The following CXCL11 variants were observed in gnomAD, a reference collection of about 807,000 sequenced individuals.
CXCL11 encodes C-X-C motif chemokine 11.
Under a neutral mutation model 9.7 loss-of-function variants are expected in CXCL11, and 7 were observed. That is an observed-to-expected ratio of 0.72 (90% CI 0.41 to 1.36). The LOEUF (loss-of-function observed/expected upper bound fraction) is 1.36. Among genes scored for constraint, CXCL11 ranks in the 40% most tolerant of loss-of-function variants. The probability of loss-of-function intolerance (pLI) is 0.01; values close to 1 mark genes in which losing one functional copy is unlikely to be tolerated. For synonymous variants in CXCL11, 35 were observed against 34.4 expected, an observed-to-expected ratio of 1.02 and a Z score of -0.06; for missense variants, 107 against 113.4, an observed-to-expected ratio of 0.94 and a Z score of 0.26.
In CXCL11 at chr4:76,034,183, A is replaced by G. The variant is rs373367097; in HGVS notation, c.*610T>C. 120 of 351,640 alleles carry G rather than the reference A, an allele frequency of 3.4e-4. No homozygotes were observed. The highest frequency in any genetic ancestry group is 2.1e-3 in the African/African-American group (100 of 47,866). The allele number at this position is 351,640 out of a possible 1,614,324, so 21.8% of individuals were successfully genotyped here. A position where few individuals can be genotyped will look rare whatever the true frequency, so the allele number is the denominator to read the frequency against. Reference sequence around the variant, plus strand: ...AAATGATGCATAAGAATGTCTCCCTACATATTGATGTGCTACATGATGTTT... The same window carrying G: ...AAATGATGCATAAGAATGTCTCCCTGCATATTGATGTGCTACATGATGTTT... On this transcript the variant is annotated 3_prime_UTR_variant, in exon 4 of 4. Transcript: ENST00000306621.
chr4:76,035,251 C>T lies in CXCL11; in HGVS notation c.153G>A (p.Met51Ile), dbSNP rs774584794. 12 of 1,613,946 alleles carry T rather than the reference C, an allele frequency of 7.4e-6. No homozygotes were observed. The East Asian group carries it at 1.1e-4, about 15-fold the overall frequency. The change falls in exon 2 of 4, where the codon ATG (methionine) becomes ATA (isoleucine). Residue 51 changes from methionine to isoleucine, a missense_variant. Coordinates refer to ENST00000306621, the MANE Select transcript of CXCL11 (RefSeq NM_005409.5). Reference protein sequence around the residue: ...KVADIEKASIMYPSNNCDKIE... With the variant: ...KVADIEKASIIYPSNNCDKIE... The stretch of plus-strand genomic sequence containing the variant: ...TTTTGTCACAGTTGTTACTTGGGTA[C>T]ATTATGGAGGCTTTCTCAATATCTG...
chr4:76,034,218 A>G lies in CXCL11; in HGVS notation c.*575T>C, dbSNP rs1734130283. 1 of 383,986 alleles carries G rather than the reference A, an allele frequency of 2.6e-6. No homozygotes were observed. Among genetic ancestry groups the G allele is most frequent in the Non-Finnish European group, 4.6e-6 (1 of 217,320 alleles). The allele number at this position is 383,986 out of a possible 1,614,324, so 23.8% of individuals were successfully genotyped here. A position where few individuals can be genotyped will look rare whatever the true frequency, so the allele number is the denominator to read the frequency against. On this transcript the variant is annotated 3_prime_UTR_variant, in exon 4 of 4. Coordinates refer to ENST00000306621, the MANE Select transcript of CXCL11 (RefSeq NM_005409.5). ...GTGCTACATGATGTTTGGGGAAAGA[A>G]GTGTGTATTTGCATGAAAAAATGTT...
chr4:76,035,485 T>G, intron 1 of CXCL11, 143 bp from the exon 2 acceptor site: 1 of 727,556 alleles, frequency 1.4e-6, no homozygotes, highest in Non-Finnish European at 2.2e-6. Flanking sequence ...CAACTGTTAC[T>G]GGGAAAAGTT....
In CXCL11 at chr4:76,034,300, A is replaced by G; in HGVS notation, c.*493T>C. On this transcript the variant is annotated 3_prime_UTR_variant, in exon 4 of 4. Transcript: ENST00000306621. ...TGACTTATAAGGGCTTGACTCCAGT[A>G]ATAATGTCAATGTCTCCACCGTAAC... The G allele has an allele frequency of 5.0e-6, 2 of 397,866 alleles. No individual in the cohort carries two copies. The highest frequency in any genetic ancestry group is 6.3e-4 in the Middle Eastern group (1 of 1,584). The allele number at this position is 397,866 out of a possible 1,614,324, so 24.6% of individuals were successfully genotyped here. A position where few individuals can be genotyped will look rare whatever the true frequency, so the allele number is the denominator to read the frequency against.
Position 76,035,907 on chromosome 4 carries a change from A to G in CXCL11, c.61+20T>C. On this transcript the variant is annotated intron_variant, in intron 1 of 3. Transcript: ENST00000306621. ...TTAGAAAAGGAACTTATAGGTTGAG[A>G]AATAAAAATTACTGCATACCTTGAA... is the stretch of plus-strand genomic sequence containing the variant. The G allele has an allele frequency of 6.2e-7, 1 of 1,607,752 alleles. No homozygotes were observed. Among genetic ancestry groups the G allele is most frequent in the East Asian group, 2.2e-5 (1 of 44,816 alleles).
In CXCL11 at chr4:76,034,732, G is replaced by T; in HGVS notation, c.*61C>A. 8.0e-7 allele frequency: 1 copy of T among 1,252,264 alleles called. No individual in the cohort carries two copies. The highest frequency in any genetic ancestry group is 1.1e-6 in the Non-Finnish European group (1 of 870,888). The allele number at this position is 1,252,264 out of a possible 1,614,324, so 77.6% of individuals were successfully genotyped here. A position where few individuals can be genotyped will look rare whatever the true frequency, so the allele number is the denominator to read the frequency against. On this transcript the variant is annotated 3_prime_UTR_variant, in exon 4 of 4. Transcript: ENST00000306621. ...AATTCTTGTCATTTCAGTAGTCACA[G>T]TTAAACTTGTTCTAGGTTTTTCAGA...
At chr4:76,035,026 G>A (rs12649185) in intron 3 of CXCL11, 21 bp downstream of exon 3, 375,332 of 1,576,278 alleles carry the variant, frequency 0.24, 47,239 homozygotes, top group East Asian at 0.39. Context: ...ATTATAACAT[G>A]GGAGTAATTT....
At position 76,036,054 on chromosome 4, in the gene CXCL11, G is replaced by C; in HGVS notation, c.-67C>G. The stretch of plus-strand genomic sequence containing the variant: ...TCAGCTTTGCTGCTCTTCTTGGAAG[G>C]AGTAGAAATGCTGAACATGAAAGGA... On this transcript the variant is annotated 5_prime_UTR_variant, in exon 1 of 4. Transcript: ENST00000306621. 4.9e-6 allele frequency: 7 copies of C among 1,437,992 alleles called. No homozygotes were observed. Among genetic ancestry groups the C allele is most frequent in the Non-Finnish European group, 6.8e-6 (7 of 1,024,588 alleles). 89.1% of individuals were successfully genotyped at this position (1,437,992 alleles called of 1,614,324 possible). A position where few individuals can be genotyped will look rare whatever the true frequency, so the allele number is the denominator to read the frequency against.
rs768099347 is a variant in CXCL11 at position 76,034,815 on chromosome 4, T to G, written c.263A>C (p.Lys88Thr). The change falls in exon 4 of 4, where the codon AAA becomes ACA. Residue 88 changes from lysine to threonine, a missense_variant and splice_region_variant. Coordinates refer to ENST00000306621, the MANE Select transcript of CXCL11 (RefSeq NM_005409.5). ...TTTTTAAAAATTCTTTCTTTCAACT[T>G]TCTGGAATAAGAAAACAAGAGTTTT... ...KSKQARLIIK[K>T]VERKNF is the part of the protein sequence containing the mutation. 1 of 1,555,242 alleles carries G rather than the reference T, an allele frequency of 6.4e-7. No individual in the cohort carries two copies. Among genetic ancestry groups the G allele is most frequent in the African/African-American group, 1.4e-5 (1 of 73,466 alleles).
rs1322073769 is a variant in CXCL11, at chr4:76,035,317, G to C, written c.87C>G (p.Arg29=). ...VQGFPMFKRG[R]CLCIGPGVKA... ...TTACCCCAGGGCCTATGCAAAGACA[G>C]CGTCCTCTTTTGAACATGGGGAAGC... Residue 29 remains arginine (R), a synonymous_variant, in exon 2 of 4, where the codon CGC becomes CGG. Coordinates refer to ENST00000306621, the MANE Select transcript of CXCL11 (RefSeq NM_005409.5). The C allele has an allele frequency of 6.2e-7, 1 of 1,614,024 alleles. No individual in the cohort carries two copies. The highest frequency in any genetic ancestry group is 8.5e-7 in the Non-Finnish European group (1 of 1,179,908).
Position 76,034,344 on chromosome 4 carries a change from A to G in CXCL11, c.*449T>C, listed in dbSNP as rs919855600. The G allele has an allele frequency of 1.5e-5, 6 of 406,254 alleles. No individual in the cohort carries two copies. Among genetic ancestry groups the G allele is most frequent in the African/African-American group, 8.2e-5 (4 of 48,654 alleles). The allele number at this position is 406,254 out of a possible 1,614,324, so 25.2% of individuals were successfully genotyped here. A position where few individuals can be genotyped will look rare whatever the true frequency, so the allele number is the denominator to read the frequency against. On this transcript the variant is annotated 3_prime_UTR_variant, in exon 4 of 4. Transcript: ENST00000306621. Reference sequence around the variant, plus strand: ...CCGTAACCACAGATAGTAATATAGCATAAAGATCAATACAGACAGATGACT... The same window carrying G: ...CCGTAACCACAGATAGTAATATAGCGTAAAGATCAATACAGACAGATGACT...
Position 76,034,264 on chromosome 4 carries a change from A to G in CXCL11, c.*529T>C, listed in dbSNP as rs1455009029. On this transcript the variant is annotated 3_prime_UTR_variant, in exon 4 of 4. Transcript: ENST00000306621. ...ATGTTTGAGGAATGTTTTACGACACATAGATGCTTTTGACTTATAAGGGCT... is the reference window on the plus strand; with the variant it reads ...ATGTTTGAGGAATGTTTTACGACACGTAGATGCTTTTGACTTATAAGGGCT... 1 of 395,880 alleles carries G rather than the reference A, an allele frequency of 2.5e-6. No homozygotes were observed. Among genetic ancestry groups the G allele is most frequent in the African/African-American group, 2.1e-5 (1 of 48,596 alleles). The allele number at this position is 395,880 out of a possible 1,614,324, so 24.5% of individuals were successfully genotyped here. A position where few individuals can be genotyped will look rare whatever the true frequency, so the allele number is the denominator to read the frequency against.
chr4:76,034,789 A>AT lies in CXCL11; in HGVS notation c.*3dup. ...TTTCCAGGACTTCATATGTTTTGAT[A>AT]TTTTTAAAAATTCTTTCTTTCAACT... On this transcript the variant is annotated 3_prime_UTR_variant, in exon 4 of 4. Coordinates refer to ENST00000306621, the MANE Select transcript of CXCL11 (RefSeq NM_005409.5). 1 of 1,533,444 alleles carries AT rather than the reference A, an allele frequency of 6.5e-7. No individual in the cohort carries two copies. The highest frequency in any genetic ancestry group is 9.0e-7 in the Non-Finnish European group (1 of 1,111,914). 95.0% of individuals were successfully genotyped at this position (1,533,444 alleles called of 1,614,324 possible).
chr4:76,035,915 AT>A lies in CXCL11; in HGVS notation c.61+11del. On this transcript the variant is annotated intron_variant, in intron 1 of 3. Coordinates refer to ENST00000306621, the MANE Select transcript of CXCL11 (RefSeq NM_005409.5). Reference sequence around the variant, plus strand: ...GGAACTTATAGGTTGAGAAATAAAAATTACTGCATACCTTGAACAACTGTAG... The same window carrying A: ...GGAACTTATAGGTTGAGAAATAAAAATACTGCATACCTTGAACAACTGTAG... 6.2e-7 allele frequency: 1 copy of A among 1,610,720 alleles called. No homozygotes were observed. The highest frequency in any genetic ancestry group is 8.5e-7 in the Non-Finnish European group (1 of 1,178,334).
chr4:76,035,387 C>T (rs1268088946), intron 1 of CXCL11, 45 bp from the exon 2 acceptor site: 4 of 1,598,888 alleles, frequency 2.5e-6, no homozygotes, highest in Non-Finnish European at 3.4e-6. Context: ...CTGATTGCAA[C>T]AGATGGCTGT....
intron 1 of CXCL11, 133 bp downstream of exon 1, chr4:76,035,793 TA>T: frequency 1.4e-6 from 1 of 739,830 alleles, no homozygotes; most frequent in Non-Finnish European, 2.2e-6. Flanking sequence ...ATTTCTGTGC[TA>T]AAGCTGTAGT....
rs573916617 is a variant in CXCL11 at position 76,034,094 on chromosome 4, C to T, written c.*699G>A. The T allele has an allele frequency of 3.6e-5, 7 of 193,734 alleles. No individual in the cohort carries two copies. Among genetic ancestry groups the T allele is most frequent in the South Asian group, 1.9e-4 (1 of 5,148 alleles). The allele number at this position is 193,734 out of a possible 1,614,324, so 12.0% of individuals were successfully genotyped here. ...GTGCACTTTTGCCAGTATCCCATAG[C>T]GTATAATTTTTTTCATAGTACATTT... On this transcript the variant is annotated 3_prime_UTR_variant, in exon 4 of 4. Transcript: ENST00000306621.
chr4:76,035,423 G>A, intron 1 of CXCL11, 81 bp from the exon 2 acceptor site: 2 of 1,440,550 alleles, frequency 1.4e-6, no homozygotes, highest in Non-Finnish European at 1.9e-6. Context: ...GTGAACGTGA[G>A]CAGAATTTTC....
At position 76,035,235 on chromosome 4, in the gene CXCL11, A is replaced by T. The variant is rs965335685; in HGVS notation, c.169T>A (p.Cys57Ser). ...ACTTACATCACTTCTATTTTGTCAC[A>T]GTTGTTACTTGGGTACATTATGGAG... is the stretch of plus-strand genomic sequence containing the variant. ...KASIMYPSNN[C>S]DKIEVIITLK... The change falls in exon 2 of 4, where the codon TGT (cysteine) becomes AGT (serine). Residue 57 changes from cysteine (C) to serine (S), a missense_variant. By Grantham distance (112) the Cys-to-Ser change is moderately radical. Coordinates refer to ENST00000306621, the MANE Select transcript of CXCL11 (RefSeq NM_005409.5). 5 of 1,614,130 alleles carry T rather than the reference A, an allele frequency of 3.1e-6. No homozygotes were observed. Among genetic ancestry groups the T allele is most frequent in the Non-Finnish European group, 8.5e-7 (1 of 1,179,956 alleles).
Sources: gnomAD v4.1 joint callset for allele counts on GRCh38, gnomAD v4.1.1 for gene constraint, MANE v1.5 for transcripts, NCBI Gene and HGNC (gene_info 2026-07-23, HGNC 2026-07-21) for gene names.